The following STRN variants were observed in gnomAD, a reference collection of about 807,000 sequenced individuals.
STRN encodes the protein striatin, also known as protein phosphatase 2 regulatory subunit B'''alpha.
A neutral mutation model predicts 96.3 loss-of-function variants in STRN; 53 were observed. The observed-to-expected ratio is 0.55, with a 90% confidence interval of 0.44 to 0.69. The LOEUF (loss-of-function observed/expected upper bound fraction) is 0.69, where lower values mean the gene tolerates loss of function less well. STRN is among the 30% of genes least tolerant of loss of function. STRN has a pLI of 0.00. For missense variants in STRN, 987 were observed against 963.9 expected, an observed-to-expected ratio of 1.02 and a Z score of -0.32; for synonymous variants, 428 against 355.9, an observed-to-expected ratio of 1.20 and a Z score of -2.28.
At chr2:36,898,918 G>A (rs938064526) in intron 6 of STRN, among the ~76,000 whole-genome samples, 5 of 152,020 alleles carry the variant, frequency 3.3e-5, no homozygotes, top group African/African-American at 1.2e-4. Context: ...GGAGAAAAGC[G>A]AAGAGAGAGG....
intron 12 of STRN, among the ~76,000 whole-genome samples, chr2:36,862,258 T>G (rs1668508741): frequency 6.6e-6 from 1 of 152,194 alleles, no homozygotes; most frequent in African/African-American, 2.4e-5. Context: ...TGATTTATAT[T>G]CCTTTGGGTA....
intron 2 of STRN, among the ~76,000 whole-genome samples, chr2:36,919,482 A>G (rs936061338): frequency 1.3e-5 from 2 of 149,410 alleles, no homozygotes; most frequent in African/African-American, 4.9e-5. Context: ...TAAGTGGAAG[A>G]AAAAAAAAAC....
chr2:36,908,231 A>G (rs1046927727), intron 3 of STRN, among the ~76,000 whole-genome samples: 3 of 152,218 alleles, frequency 2.0e-5, no homozygotes, highest in Non-Finnish European at 4.4e-5. Flanking sequence ...ATCTCCCATC[A>G]GAATAGGGCT....
chr2:36,859,903 T>C (rs1404663848), intron 13 of STRN, among the ~76,000 whole-genome samples: 3 of 152,200 alleles, frequency 2.0e-5, no homozygotes, highest in Non-Finnish European at 4.4e-5. Context: ...GTAAGTGTTG[T>C]AGCCAGAAGC....
At chr2:36,877,139 T>A (rs1230339536) in intron 10 of STRN, among the ~76,000 whole-genome samples, 1 of 152,222 alleles carries the variant, frequency 6.6e-6, no homozygotes, top group Admixed American at 6.5e-5. Flanking sequence ...AAATCTCTGA[T>A]GGGTCAGCCT....
In STRN at chr2:36,848,912, G is replaced by A. The variant is rs1056690032; in HGVS notation, c.*544C>T. Reference sequence around the variant, plus strand: ...AAATGCTTTGCCAGGTGCTTTATGTGAACAGCTGAAAGGAGAGTCAAATTA... The same window carrying A: ...AAATGCTTTGCCAGGTGCTTTATGTAAACAGCTGAAAGGAGAGTCAAATTA... On this transcript the variant is annotated 3_prime_UTR_variant, in exon 18 of 18. Transcript: ENST00000263918. The A allele has an allele frequency of 6.5e-6, 1 of 152,894 alleles. No individual in the cohort carries two copies. The highest frequency in any genetic ancestry group is 2.1e-4 in the South Asian group (1 of 4,830). 9.5% of individuals were successfully genotyped at this position (152,894 alleles called of 1,614,324 possible).
intron 6 of STRN, among the ~76,000 whole-genome samples, chr2:36,897,330 G>T (rs12479195): frequency 0.87 from 131,831 of 151,914 alleles, 58,673 homozygotes; most frequent in Non-Finnish European, 0.96. Context: ...ATATAGCTAT[G>T]TGAGTGTAGC....
At chr2:36,858,128 T>A in intron 13 of STRN, 105 bp from the exon 14 acceptor site, 2 of 805,802 alleles carry the variant, frequency 2.5e-6, no homozygotes, top group Non-Finnish European at 3.6e-6. Context: ...GATAACAGTA[T>A]AAAATATGAT....
rs1458160481 is a variant in STRN, at chr2:36,849,507, T to A, written c.2292A>T (p.Lys764Asn). The change falls in exon 18 of 18, where the codon AAA becomes AAT. Residue 764 changes from lysine (K) to asparagine (N), a missense_variant. Lys to Asn is a moderately conservative substitution (Grantham distance 94, BLOSUM62 0). Transcript: ENST00000263918. ...CAGCTCCAGCACTGGCTATATAGCA[T>A]TTGGATGGGTGGAAAGCTACATCAT... ...SIHDVAFHPSKCYIASAGADA... is the reference protein window; with the variant it reads ...SIHDVAFHPSNCYIASAGADA... 6.2e-7 allele frequency: 1 copy of A among 1,614,152 alleles called. No individual in the cohort carries two copies. Among genetic ancestry groups the A allele is most frequent in the South Asian group, 1.1e-5 (1 of 91,084 alleles).
At chr2:36,887,736 T>C (rs1227978382) in intron 7 of STRN, among the ~76,000 whole-genome samples, 1 of 152,244 alleles carries the variant, frequency 6.6e-6, no homozygotes, top group Non-Finnish European at 1.5e-5. Context: ...ACTTAAATGA[T>C]GTTAGTTTAT....
chr2:36,947,776 A>C (rs1217069100), intron 1 of STRN, among the ~76,000 whole-genome samples: 3 of 151,862 alleles, frequency 2.0e-5, no homozygotes. Context: ...CAAATTAAAA[A>C]GTTTAACATT....
At chr2:36,874,611 A>C (rs1235601527) in intron 10 of STRN, among the ~76,000 whole-genome samples, 1 of 152,018 alleles carries the variant, frequency 6.6e-6, no homozygotes, top group East Asian at 1.9e-4. Context: ...CACAGATAAT[A>C]ATAGTGAAAA....
chr2:36,890,668 G>A (rs1172716313), intron 7 of STRN, among the ~76,000 whole-genome samples: 1 of 151,870 alleles, frequency 6.6e-6, no homozygotes. Flanking sequence ...ATTTTTAGTA[G>A]AGATGGGGTT....
chr2:36,917,540 AAAAAAAAAAAAAAG>A (rs1384052638), intron 2 of STRN, among the ~76,000 whole-genome samples: 2 of 144,574 alleles, frequency 1.4e-5, no homozygotes, highest in African/African-American at 5.2e-5. Flanking sequence ...AAAAAAAAGA[AAAAAAAAAAAAAAG>A]AAAAAAAGAA....
chr2:36,870,417 G>C (rs1399022846), intron 10 of STRN, among the ~76,000 whole-genome samples: 1 of 152,086 alleles, frequency 6.6e-6, no homozygotes, highest in Non-Finnish European at 1.5e-5. Context: ...TCCAAGGCTA[G>C]CAATCAGACT....
chr2:36,880,395 G>A (rs1166887457), intron 9 of STRN, among the ~76,000 whole-genome samples: 1 of 152,116 alleles, frequency 6.6e-6, no homozygotes, highest in Non-Finnish European at 1.5e-5. Flanking sequence ...AGCTATGACT[G>A]TACCACTGCA....
rs749470650 is a variant in STRN at position 36,899,563 on chromosome 2, T to A, written c.755A>T (p.Asp252Val). The A allele has an allele frequency of 6.2e-7, 1 of 1,613,564 alleles. No individual in the cohort carries two copies. Among genetic ancestry groups the A allele is most frequent in the Non-Finnish European group, 8.5e-7 (1 of 1,179,922 alleles). Residue 252 changes from aspartate (D) to valine (V), a missense_variant, in exon 6 of 18, where the codon GAT (aspartate) becomes GTT (valine). Transcript: ENST00000263918. ...ADFSDEDEDD[D>V]VDGREKSVID... The stretch of plus-strand genomic sequence containing the variant: ...GACGCTTTTCTCTCTTCCATCAACA[T>A]CATCATCTTCATCTTCATCACTGAA...
intron 2 of STRN, among the ~76,000 whole-genome samples, chr2:36,923,511 T>C (rs1375452463): frequency 2.0e-5 from 3 of 152,072 alleles, no homozygotes; most frequent in Admixed American, 6.5e-5. Context: ...GTTTTTTCTT[T>C]CCATGTCCCT....
intron 10 of STRN, among the ~76,000 whole-genome samples, chr2:36,872,053 C>G (rs568569438): frequency 4.1e-4 from 63 of 152,322 alleles, no homozygotes; most frequent in African/African-American, 1.4e-3. Flanking sequence ...AAAGAGCAAT[C>G]AAATTCCTTC....
Sources: gnomAD v4.1 joint callset for allele counts (sites outside exome capture counted in the v4.1 genomes callset) on GRCh38, gnomAD v4.1.1 for gene constraint, MANE v1.5 for transcripts, NCBI Gene and HGNC (gene_info 2026-07-23, HGNC 2026-07-21) for gene names.